The following NFAM1 variants were observed in gnomAD, a reference collection of about 807,000 sequenced individuals.
The protein encoded by NFAM1 is NFAT activating protein with ITAM motif 1, also known as NFAT activation molecule 1.
A neutral mutation model predicts 29.0 loss-of-function variants in NFAM1; 17 were observed. The ratio of observed to expected loss-of-function variants is 0.59; its 90% CI spans 0.40 to 0.88. The LOEUF (loss-of-function observed/expected upper bound fraction) is 0.88. Among genes scored for constraint, NFAM1 ranks in the 40% least tolerant of loss-of-function variants. The pLI, the probability that NFAM1 is intolerant of heterozygous loss-of-function variation, is 0.00. For synonymous variants in NFAM1, 175 were observed against 147.2 expected (o/e 1.19, Z -1.36); for missense variants, 324 against 344.6 (o/e 0.94, Z 0.47).
intron 4 of NFAM1, among the ~76,000 whole-genome samples, chr22:42,397,240 C>T (rs547900461): frequency 3.9e-5 from 6 of 152,306 alleles, no homozygotes; most frequent in Middle Eastern, 3.4e-3. Context: ...TCGGCCCCTA[C>T]GCTGCACCCA....
chr22:42,391,620 C>T (rs756628569), intron 4 of NFAM1, among the ~76,000 whole-genome samples: 1 of 151,912 alleles, frequency 6.6e-6, no homozygotes, highest in African/African-American at 2.4e-5. Flanking sequence ...GATGAGGAGA[C>T]GTGGGTAAGA....
At chr22:42,406,783 C>CT (rs58527419) in intron 3 of NFAM1, among the ~76,000 whole-genome samples, 19 of 151,438 alleles carry the variant, frequency 1.3e-4, no homozygotes, top group East Asian at 3.9e-4. Context: ...TTTCTTTTTC[C>CT]TTTTTTTTTG....
chr22:42,433,703 A>G (rs573530766), upstream of NFAM1, among the ~76,000 whole-genome samples: 1 of 152,266 alleles, frequency 6.6e-6, no homozygotes, highest in South Asian at 2.1e-4. Flanking sequence ...GGAGGAAGAC[A>G]TATGAACAGG....
rs1032743683 is a variant in NFAM1 at position 42,419,503 on chromosome 22, G to T, written c.122-7767C>A. On this transcript the variant is annotated intron_variant, in intron 1 of 5. Transcript: ENST00000329021. This position sits in a 1 kb window ranked among gnomAD's most constrained non-coding sequence, Gnocchi z 4.5. Reference sequence around the variant, plus strand: ...TACAATTGGGTTCAGACAGGGTCACGCTAAAACATGCATCTCTTAACTTTG... The same window carrying T: ...TACAATTGGGTTCAGACAGGGTCACTCTAAAACATGCATCTCTTAACTTTG... Among the ~76,000 whole-genome samples, 1 of 152,178 alleles carries T rather than the reference G, an allele frequency of 6.6e-6. No individual in the cohort carries two copies. Among genetic ancestry groups the T allele is most frequent in the Non-Finnish European group, 1.5e-5 (1 of 68,038 alleles).
chr22:42,408,114 G>A (rs984666319), intron 3 of NFAM1, among the ~76,000 whole-genome samples: 2 of 151,836 alleles, frequency 1.3e-5, no homozygotes, highest in Non-Finnish European at 2.9e-5. Flanking sequence ...GGCTGGTCTC[G>A]AACTCCTGAC....
intron 4 of NFAM1, among the ~76,000 whole-genome samples, chr22:42,397,122 G>A (rs1230494819): frequency 2.6e-5 from 4 of 152,238 alleles, no homozygotes; most frequent in African/African-American, 9.6e-5. Flanking sequence ...TGTTCGTGGA[G>A]CCGAAAGGAA....
chr22:42,404,356 C>T (rs114593619), intron 3 of NFAM1, among the ~76,000 whole-genome samples: 46 of 152,188 alleles, frequency 3.0e-4, no homozygotes, highest in African/African-American at 1.1e-3. Context: ...CAGGTGCTCC[C>T]GGGTCCTCTG....
intron 3 of NFAM1, among the ~76,000 whole-genome samples, chr22:42,404,108 C>T (rs1392811052): frequency 6.6e-6 from 1 of 152,170 alleles, no homozygotes; most frequent in African/African-American, 2.4e-5. Flanking sequence ...GTTCTTACCA[C>T]CCTCCAGCTC....
chr22:42,403,626 T>C (rs891811687), intron 3 of NFAM1, among the ~76,000 whole-genome samples: 1 of 152,220 alleles, frequency 6.6e-6, no homozygotes, highest in Non-Finnish European at 1.5e-5. Context: ...CCTGAATGAA[T>C]GAATTTAATG....
chr22:42,424,339 A>G (rs554585490), intron 1 of NFAM1, among the ~76,000 whole-genome samples: 5 of 152,026 alleles, frequency 3.3e-5, no homozygotes, highest in African/African-American at 1.2e-4. Context: ...GGCGTGAACC[A>G]GGGAGGCAGA....
rs903943879 is a variant in NFAM1, at chr22:42,383,243, C to G, written c.*1918G>C. 6.5e-6 allele frequency: 1 copy of G among 153,304 alleles called. No homozygotes were observed. The highest frequency in any genetic ancestry group is 2.4e-5 in the African/African-American group (1 of 41,472). 9.5% of individuals were successfully genotyped at this position (153,304 alleles called of 1,614,324 possible). On this transcript the variant is annotated 3_prime_UTR_variant, in exon 6 of 6. Coordinates refer to ENST00000329021, the MANE Select transcript of NFAM1 (RefSeq NM_145912.8). ...GCCCAGGAGGTGGGGGAGGCAGGCC[C>G]AGTGAGGTGGCCCTCTCCTGGTCTT...
intron 1 of NFAM1, among the ~76,000 whole-genome samples, chr22:42,420,373 G>A (rs964280031): frequency 2.0e-5 from 3 of 152,132 alleles, no homozygotes; most frequent in African/African-American, 7.2e-5. Flanking sequence ...TCAGGAGGCT[G>A]AGGCAGGAGG....
At chr22:42,424,140 G>A (rs557180393) in intron 1 of NFAM1, among the ~76,000 whole-genome samples, 4 of 152,198 alleles carry the variant, frequency 2.6e-5, no homozygotes, top group Non-Finnish European at 2.9e-5. Context: ...ACATGGCTGG[G>A]CGCGGTGGCT....
chr22:42,396,889 C>T (rs1183510782), intron 4 of NFAM1, among the ~76,000 whole-genome samples: 1 of 152,198 alleles, frequency 6.6e-6, no homozygotes, highest in Non-Finnish European at 1.5e-5. Context: ...AACGACAGCA[C>T]GTACGAGCAG....
intron 4 of NFAM1, among the ~76,000 whole-genome samples, chr22:42,390,742 G>A (rs191386540): frequency 7.1e-4 from 107 of 151,586 alleles, no homozygotes; most frequent in Middle Eastern, 6.8e-3. Flanking sequence ...ACTTGAACCC[G>A]GGAGGTAGAG....
At chr22:42,436,155 T>G (rs1218785488), upstream of NFAM1, among the ~76,000 whole-genome samples, 1 of 152,202 alleles carries the variant, frequency 6.6e-6, no homozygotes, top group Non-Finnish European at 1.5e-5. Context: ...AGCCAGCAAG[T>G]GGCAGCTGAG....
chr22:42,411,338 C>T (rs946282400), intron 2 of NFAM1, 69 bp downstream of exon 2: 23 of 1,271,154 alleles, frequency 1.8e-5, no homozygotes, highest in Admixed American at 1.2e-4. Context: ...ATTTCCGATC[C>T]AAAGTCCCAA....
intron 1 of NFAM1, among the ~76,000 whole-genome samples, chr22:42,412,401 T>C (rs1930126652): frequency 6.6e-6 from 1 of 152,174 alleles, no homozygotes; most frequent in Non-Finnish European, 1.5e-5. Flanking sequence ...GCCCCTGTTT[T>C]ATGAAGAAGA....
intron 3 of NFAM1, among the ~76,000 whole-genome samples, chr22:42,408,385 G>A (rs972925928): frequency 6.6e-6 from 1 of 152,052 alleles, no homozygotes; most frequent in African/African-American, 2.4e-5. Context: ...TTGACCCAGG[G>A]AGACCCCAAT....
Sources: gnomAD v4.1 joint callset for allele counts (sites outside exome capture counted in the v4.1 genomes callset) on GRCh38, gnomAD v4.1.1 for gene constraint, Gnocchi (gnomAD v3.1) non-coding constraint, MANE v1.5 for transcripts, NCBI Gene and HGNC (gene_info 2026-07-23, HGNC 2026-07-21) for gene names.